Variants in PLCB1 observed in about 807,000 individuals in gnomAD.
PLCB1 encodes the protein 1-phosphatidylinositol 4,5-bisphosphate phosphodiesterase beta-1.
A neutral mutation model predicts 161.8 loss-of-function variants in PLCB1; 46 were observed. The observed-to-expected ratio is 0.28, with a 90% CI of 0.22 to 0.36. The LOEUF (loss-of-function observed/expected upper bound fraction) is 0.36, where lower values mean the gene tolerates loss of function less well. Ranked by LOEUF, PLCB1 falls within the 10% of genes least tolerant of loss-of-function variation. The probability of loss-of-function intolerance (pLI) is 1.00; values close to 1 mark genes in which losing one functional copy is unlikely to be tolerated. For missense variants in PLCB1, 1,016 were observed against 1,472.5 expected (o/e 0.69, Z 5.07); for synonymous variants, 517 against 503.7 (o/e 1.03, Z -0.35).
intron 2 of PLCB1, among the ~76,000 whole-genome samples, chr20:8,171,989 C>T (rs2051737253): frequency 6.6e-6 from 1 of 151,934 alleles, no homozygotes; most frequent in African/African-American, 2.4e-5. Context: ...ATCATATGTT[C>T]TAGTGCATTT....
At chr20:8,534,623 A>C (rs1984967022) in intron 3 of PLCB1, among the ~76,000 whole-genome samples, 1 of 152,166 alleles carries the variant, frequency 6.6e-6, no homozygotes, top group African/African-American at 2.4e-5. Context: ...GGGAGAGAGG[A>C]TCCAGAGCTT....
intron 31 of PLCB1, among the ~76,000 whole-genome samples, chr20:8,852,049 G>A (rs563071903): frequency 4.9e-4 from 74 of 152,308 alleles, no homozygotes; most frequent in Admixed American, 4.1e-3. Flanking sequence ...GAAGCCAGAT[G>A]CAAAGAACTA....
chr20:8,637,528 A>AT (rs1600214878), intron 4 of PLCB1, among the ~76,000 whole-genome samples: 1 of 152,106 alleles, frequency 6.6e-6, no homozygotes, highest in Non-Finnish European at 1.5e-5. Context: ...AAAAGACTTA[A>AT]TTTTTTTCTC....
Position 8,642,056 on chromosome 20 carries a change from T to G in PLCB1, c.385-4046T>G, listed in dbSNP as rs561439327. ...ATGATCTGAAAATAATTATGCATCT[T>G]TCCTTGATTTGAGTAATATTATTAT... On this transcript the variant is annotated intron_variant, in intron 4 of 31. Transcript: ENST00000338037. Among the ~76,000 whole-genome samples, 27 of 152,310 alleles carry G rather than the reference T, an allele frequency of 1.8e-4. No individual in the cohort carries two copies. The East Asian group carries it at 4.6e-3, about 26-fold the overall frequency.
At position 8,217,179 on chromosome 20, in the gene PLCB1, C is replaced by T. The variant is rs73897328; in HGVS notation, c.177+66808C>T. ...TTTGTAAAAGCATCTGAAACCTTCA[C>T]GCAGAAGCCAAAGTGTGTTACAGTT... is the stretch of plus-strand genomic sequence containing the variant. On this transcript the variant is annotated intron_variant, in intron 2 of 31. Coordinates refer to ENST00000338037, the MANE Select transcript of PLCB1 (RefSeq NM_015192.4). 7.2e-3 allele frequency among the ~76,000 whole-genome samples: 1,099 copies of T among 152,198 alleles called. 18 individuals are homozygous for T. Among genetic ancestry groups the T allele is most frequent in the African/African-American group, 0.023 (961 of 41,536 alleles).
intron 12 of PLCB1, among the ~76,000 whole-genome samples, chr20:8,710,080 G>C (rs903497844): frequency 6.6e-6 from 1 of 152,150 alleles, no homozygotes; most frequent in Non-Finnish European, 1.5e-5. Context: ...AAATGCCTGG[G>C]TAAGAGACTG....
At chr20:8,229,856 CA>C (rs1340795970) in intron 2 of PLCB1, among the ~76,000 whole-genome samples, 460 of 35,074 alleles carry the variant, frequency 0.013, 3 homozygotes, top group African/African-American at 0.05. Context: ...GAGCCCATCT[CA>C]TAAAATAAAA....
chr20:8,585,248 T>G (rs551686760), intron 3 of PLCB1, among the ~76,000 whole-genome samples: 1 of 152,306 alleles, frequency 6.6e-6, no homozygotes, highest in South Asian at 2.1e-4. Context: ...ATTCCTTACC[T>G]GCCAGAGGTA....
chr20:8,566,396 T>C (rs6055904), intron 3 of PLCB1, among the ~76,000 whole-genome samples: 90,116 of 152,016 alleles, frequency 0.59, 27,475 homozygotes, highest in African/African-American at 0.7. Flanking sequence ...ATAACAGATA[T>C]TCTAGCACCT....
At chr20:8,588,150 G>T (rs1987045824) in intron 3 of PLCB1, among the ~76,000 whole-genome samples, 2 of 152,152 alleles carry the variant, frequency 1.3e-5, no homozygotes, top group East Asian at 1.9e-4. Context: ...GCTCTGCACT[G>T]GGAATTATAG....
At chr20:8,355,106 C>G (rs1324680226) in intron 2 of PLCB1, among the ~76,000 whole-genome samples, 1 of 152,060 alleles carries the variant, frequency 6.6e-6, no homozygotes, top group African/African-American at 2.4e-5. Context: ...GTAGAGATCT[C>G]AGTTTTACCA....
chr20:8,480,197 T>C (rs1235839544), intron 3 of PLCB1, among the ~76,000 whole-genome samples: 1 of 152,182 alleles, frequency 6.6e-6, no homozygotes, highest in Non-Finnish European at 1.5e-5. Context: ...CAAGCATGAC[T>C]TGGTGCCTGA....
At chr20:8,523,398 A>ATGTGTGTGTGTGTGTGTG (rs34787623) in intron 3 of PLCB1, among the ~76,000 whole-genome samples, 2 of 122,578 alleles carry the variant, frequency 1.6e-5, no homozygotes, top group African/African-American at 6.6e-5. Flanking sequence ...CATAACAAAT[A>ATGTGTGTGTGTGTGTGTG]TGTGTGTGTG....
At chr20:8,454,705 C>A (rs1981222146) in intron 3 of PLCB1, among the ~76,000 whole-genome samples, 1 of 152,180 alleles carries the variant, frequency 6.6e-6, no homozygotes, top group Non-Finnish European at 1.5e-5. Context: ...TCCCGTCTTG[C>A]ATGTCTTTCC....
At chr20:8,151,277 T>G (rs989469483) in intron 2 of PLCB1, among the ~76,000 whole-genome samples, 1 of 152,160 alleles carries the variant, frequency 6.6e-6, no homozygotes, top group African/African-American at 2.4e-5. Context: ...AGGAACAAAT[T>G]GTTAGCTCTT....
In PLCB1 at chr20:8,717,775, GA is replaced by G; in HGVS notation, c.1442del (p.Lys481SerfsTer64). The part of the protein sequence containing the change: ...HKSSEGSGKK[K>X]LSEQASNTYS... ...AGTCATCAGAAGGAAGCGGCAAAAA[GA>G]AGCTCTCAGAACAAGCCTCCAACAC... On this transcript the variant is annotated frameshift_variant, in exon 14 of 32. Coordinates refer to ENST00000338037, the MANE Select transcript of PLCB1 (RefSeq NM_015192.4). LOFTEE classifies it high-confidence loss of function. 1 of 1,614,082 alleles carries G rather than the reference GA, an allele frequency of 6.2e-7. No homozygotes were observed. The highest frequency in any genetic ancestry group is 8.5e-7 in the Non-Finnish European group (1 of 1,179,972).
At chr20:8,662,019 A>AATTATATAATTATTTATTATATAATTAT (rs1989650427) in intron 9 of PLCB1, among the ~76,000 whole-genome samples, 2 of 17,554 alleles carry the variant, frequency 1.1e-4, no homozygotes, top group African/African-American at 3.7e-4. Context: ...AATTATATAT[A>AATTATATAATTATTTATTATATAATTAT]ATATACAATT....
intron 3 of PLCB1, among the ~76,000 whole-genome samples, chr20:8,522,086 G>C (rs1295236170): frequency 1.3e-5 from 2 of 152,138 alleles, no homozygotes; most frequent in Non-Finnish European, 2.9e-5. Flanking sequence ...GTGATAGGCA[G>C]TCTGCTACTA....
At chr20:8,304,377 C>G (rs1001313195) in intron 2 of PLCB1, among the ~76,000 whole-genome samples, 1 of 151,994 alleles carries the variant, frequency 6.6e-6, no homozygotes, top group Non-Finnish European at 1.5e-5. Context: ...GAAACTACCC[C>G]CTTCTAAGAG....
Sources: gnomAD v4.1 joint callset for allele counts (sites outside exome capture counted in the v4.1 genomes callset) on GRCh38, gnomAD v4.1.1 for gene constraint, MANE v1.5 for transcripts, NCBI Gene and HGNC (gene_info 2026-07-23, HGNC 2026-07-21) for gene names.